Variants in FLVCR1 observed in about 807,000 individuals in gnomAD.
FLVCR1 encodes FLVCR choline and heme transporter 1.
A neutral mutation model predicts 53.6 loss-of-function variants in FLVCR1; 34 were observed. The ratio of observed to expected loss-of-function variants is 0.63; its 90% CI spans 0.48 to 0.84. The LOEUF is 0.84. FLVCR1 is among the 40% of genes least tolerant of loss of function. The pLI is 0.00. For missense variants in FLVCR1, 677 were observed against 696.7 expected (o/e 0.97, Z 0.32); for synonymous variants, 300 against 286.3 (o/e 1.05, Z -0.48).
At chr1:212,889,414 A>G (rs920745227) in intron 8 of FLVCR1, among the ~76,000 whole-genome samples, 157 bp downstream of exon 8, 3 of 152,236 alleles carry the variant, frequency 2.0e-5, no homozygotes, top group African/African-American at 7.2e-5. Context: ...CTCTTACTTC[A>G]TTTTGCAGAT....
At chr1:212,881,490 C>A (rs566957682) in intron 3 of FLVCR1, among the ~76,000 whole-genome samples, 1 of 152,084 alleles carries the variant, frequency 6.6e-6, no homozygotes, top group African/African-American at 2.4e-5. Flanking sequence ...AGGCGCACAC[C>A]ACTGCGCCTG....
intron 6 of FLVCR1, among the ~76,000 whole-genome samples, chr1:212,888,208 A>C (rs1192818240): frequency 6.6e-6 from 1 of 152,234 alleles, no homozygotes; most frequent in Non-Finnish European, 1.5e-5. Flanking sequence ...ATAGGTAAAA[A>C]ATGGATGAGC....
intron 3 of FLVCR1, among the ~76,000 whole-genome samples, chr1:212,876,011 C>T (rs6703156): frequency 0.44 from 65,827 of 151,160 alleles, 15,444 homozygotes; most frequent in East Asian, 0.54. Flanking sequence ...CTCAGCTTCC[C>T]GAGTAGCTGA....
rs984963071 is a variant in FLVCR1, at chr1:212,895,532, G to C, written c.*242G>C. On this transcript the variant is annotated 3_prime_UTR_variant, in exon 10 of 10. Coordinates refer to ENST00000366971, the MANE Select transcript of FLVCR1 (RefSeq NM_014053.4). ...ACTACTGTTTATCTAATTAGTATCC[G>C]GTTTTTAGTCTCATATTGTATCTGA... The C allele has an allele frequency of 9.9e-6, 5 of 503,418 alleles. No individual in the cohort carries two copies. The highest frequency in any genetic ancestry group is 7.7e-5 in the African/African-American group (4 of 51,792). 31.2% of individuals were successfully genotyped at this position (503,418 alleles called of 1,614,324 possible). A position where few individuals can be genotyped will look rare whatever the true frequency, so the allele number is the denominator to read the frequency against.
chr1:212,893,742 T>A (rs569562284), intron 8 of FLVCR1, among the ~76,000 whole-genome samples: 2 of 152,312 alleles, frequency 1.3e-5, no homozygotes, highest in Admixed American at 1.3e-4. Flanking sequence ...GCTTGGATAA[T>A]CATTAGCATT....
chr1:212,879,199 T>C (rs1384338372), intron 3 of FLVCR1, among the ~76,000 whole-genome samples: 1 of 152,134 alleles, frequency 6.6e-6, no homozygotes, highest in Non-Finnish European at 1.5e-5. Flanking sequence ...AATTAAAGAG[T>C]TTATTTGTTG....
At chr1:212,875,296 G>A (rs6674933) in intron 3 of FLVCR1, among the ~76,000 whole-genome samples, 104,543 of 152,118 alleles carry the variant, frequency 0.69, 37,469 homozygotes, top group East Asian at 1. Flanking sequence ...AACACAAGAT[G>A]AGTTGTATGG....
In FLVCR1 at chr1:212,858,293, G is replaced by A. The variant is rs534759890; in HGVS notation, c.-160G>A. ...GGGGAGGAGACCTTCATCTGTTCAC[G>A]CGGTAGCGCGGATTGCGGTTCGCGG... On this transcript the variant is annotated 5_prime_UTR_variant, in exon 1 of 10. Coordinates refer to ENST00000366971, the MANE Select transcript of FLVCR1 (RefSeq NM_014053.4). The A allele has an allele frequency of 4.2e-5, 30 of 706,422 alleles. No homozygotes were observed. In the South Asian group the frequency reaches 6.4e-4, roughly 15 times the overall value. 43.8% of individuals were successfully genotyped at this position (706,422 alleles called of 1,614,324 possible). A position where few individuals can be genotyped will look rare whatever the true frequency, so the allele number is the denominator to read the frequency against.
At chr1:212,882,128 G>C (rs1664947364) in intron 3 of FLVCR1, among the ~76,000 whole-genome samples, 1 of 152,146 alleles carries the variant, frequency 6.6e-6, no homozygotes, top group Non-Finnish European at 1.5e-5. Context: ...AAAGTAGAAG[G>C]TCTACTCTAG....
In FLVCR1 at chr1:212,887,863, A is replaced by G. The variant is rs1665097922; in HGVS notation, c.1197-28A>G. On this transcript the variant is annotated intron_variant, in intron 5 of 9. Coordinates refer to ENST00000366971, the MANE Select transcript of FLVCR1 (RefSeq NM_014053.4). Reference sequence around the variant, plus strand: ...TATTCCTAGGAGAATCAGACAAAATACTAACAGCTTTGTTGTTTTTGTTTT... The same window carrying G: ...TATTCCTAGGAGAATCAGACAAAATGCTAACAGCTTTGTTGTTTTTGTTTT... The G allele has an allele frequency of 4.2e-6, 5 of 1,182,846 alleles. No individual in the cohort carries two copies. The Admixed American group carries it at 6.7e-5, about 16-fold the overall frequency. 73.3% of individuals were successfully genotyped at this position (1,182,846 alleles called of 1,614,324 possible).
rs1283363163 is a variant in FLVCR1 at position 212,864,992 on chromosome 1, T to G, written c.883+1123T>G. On this transcript the variant is annotated intron_variant, in intron 2 of 9. Coordinates refer to ENST00000366971, the MANE Select transcript of FLVCR1 (RefSeq NM_014053.4). ...TATTCAAACATGTGTAATCCACTTG[T>G]TGGTTTTGGTTTTCAGTTAGTTATG... 3.3e-5 allele frequency among the ~76,000 whole-genome samples: 5 copies of G among 152,112 alleles called. No homozygotes were observed. The East Asian group carries it at 9.6e-4, about 29-fold the overall frequency.
intron 7 of FLVCR1, 52 bp downstream of exon 7, chr1:212,888,646 A>G (rs770629630): frequency 1.6e-6 from 2 of 1,216,296 alleles, no homozygotes; most frequent in Middle Eastern, 1.9e-4. Context: ...CAGATATTCT[A>G]GTGAGTAATG....
intron 8 of FLVCR1, among the ~76,000 whole-genome samples, chr1:212,892,040 G>A (rs1908646): frequency 0.023 from 3,546 of 152,322 alleles, 129 homozygotes; most frequent in African/African-American, 0.081. Context: ...TGAAAGAGGT[G>A]AGAAAGTTGC....
chr1:212,889,045 C>G (rs1372878734), intron 7 of FLVCR1, 101 bp from the exon 8 acceptor site: 11 of 921,598 alleles, frequency 1.2e-5, no homozygotes, highest in Admixed American at 4.4e-5. Flanking sequence ...TTTCTAGAAA[C>G]CAAATCATAT....
Position 212,883,568 on chromosome 1 carries a change from A to C in FLVCR1, c.1092+130A>C, listed in dbSNP as rs1476361180. The C allele has an allele frequency of 1.6e-5, 10 of 641,066 alleles. 1 individual carries two copies. The East Asian group carries it at 2.8e-4, about 18-fold the overall frequency. 39.7% of individuals were successfully genotyped at this position (641,066 alleles called of 1,614,324 possible). A position where few individuals can be genotyped will look rare whatever the true frequency, so the allele number is the denominator to read the frequency against. ...CTATCAAATATTTACATTTGTTTTA[A>C]TTGAGAATATATTTGTTAAAAAATG... On this transcript the variant is annotated intron_variant, in intron 4 of 9. Coordinates refer to ENST00000366971, the MANE Select transcript of FLVCR1 (RefSeq NM_014053.4).
intron 1 of FLVCR1, among the ~76,000 whole-genome samples, chr1:212,860,350 G>GTTTTTTTTTTTTTTTTTTGTTTTT (rs1664190434): frequency 1.2e-5 from 1 of 85,824 alleles, no homozygotes; most frequent in Non-Finnish European, 2.4e-5. Flanking sequence ...TGTGTGTGTG[G>GTTTTTTTTTTTTTTTTTTGTTTTT]TTTTTTTTTT....
At chr1:212,864,831 T>C (rs543504815) in intron 2 of FLVCR1, among the ~76,000 whole-genome samples, 1 of 152,340 alleles carries the variant, frequency 6.6e-6, no homozygotes, top group Non-Finnish European at 1.5e-5. Context: ...AAGAAATGTA[T>C]GCTGAAGATT....
Position 212,898,893 on chromosome 1 carries a change from T to C in FLVCR1, c.*3603T>C, listed in dbSNP as rs1452570438. 6.6e-6 allele frequency: 1 copy of C among 152,256 alleles called. No individual in the cohort carries two copies. The highest frequency in any genetic ancestry group is 1.5e-5 in the Non-Finnish European group (1 of 68,044). The allele number at this position is 152,256 out of a possible 1,614,324, so 9.4% of individuals were successfully genotyped here. On this transcript the variant is annotated 3_prime_UTR_variant, in exon 10 of 10. Coordinates refer to ENST00000366971, the MANE Select transcript of FLVCR1 (RefSeq NM_014053.4). ...TAGGCAACTGTAACACAATGGTATC[T>C]GTGTAATCTAAACATAGAACAGATA... is the stretch of plus-strand genomic sequence containing the variant.
chr1:212,859,587 G>T (rs1443163919), intron 1 of FLVCR1, among the ~76,000 whole-genome samples: 1 of 152,064 alleles, frequency 6.6e-6, no homozygotes. Context: ...GCCTGCTTGC[G>T]GGTATCTGTA....
Sources: gnomAD v4.1 joint callset for allele counts (sites outside exome capture counted in the v4.1 genomes callset) on GRCh38, gnomAD v4.1.1 for gene constraint, MANE v1.5 for transcripts, NCBI Gene and HGNC (gene_info 2026-07-23, HGNC 2026-07-21) for gene names.